WWOX: variants seen among roughly 807,000 people sequenced by gnomAD.
WWOX encodes the protein WW domain containing oxidoreductase, also known as WW domain-containing oxidoreductase.
In WWOX, 69 loss-of-function variants were observed where a neutral mutation model predicts 46.2. The ratio of observed to expected loss-of-function variants is 1.49; its 90% CI spans 1.23 to 1.82. WWOX has a LOEUF of 1.82. Ranked by LOEUF, WWOX falls within the 40% of genes most tolerant of loss-of-function variation. The probability of loss-of-function intolerance (pLI) is 0.00; values close to 1 mark genes in which losing one functional copy is unlikely to be tolerated. For missense variants in WWOX, 919 were observed against 542.6 expected (o/e 1.69, Z -6.89); for synonymous variants, 359 against 202.6 (o/e 1.77, Z -6.56).
chr16:78,869,353 A>G (rs891048538), intron 8 of WWOX, among the ~76,000 whole-genome samples: 7 of 152,182 alleles, frequency 4.6e-5, no homozygotes, highest in Admixed American at 2.0e-4. Context: ...TTTTCCAAGC[A>G]TCCAGACTGC....
At chr16:78,162,409 C>G (rs935472325) in intron 4 of WWOX, among the ~76,000 whole-genome samples, 1 of 152,006 alleles carries the variant, frequency 6.6e-6, no homozygotes, top group Non-Finnish European at 1.5e-5. Flanking sequence ...TATCTACACA[C>G]ACATACACAC....
intron 8 of WWOX, among the ~76,000 whole-genome samples, chr16:78,823,055 T>G (rs556096984): frequency 1.3e-5 from 2 of 152,374 alleles, no homozygotes; most frequent in Non-Finnish European, 2.9e-5. Flanking sequence ...GGCCTTTTAT[T>G]GCATGCTTTG....
At chr16:79,094,416 A>T (rs1269519122) in intron 8 of WWOX, among the ~76,000 whole-genome samples, 1 of 151,562 alleles carries the variant, frequency 6.6e-6, no homozygotes, top group Non-Finnish European at 1.5e-5. Flanking sequence ...TGTCCAGCTA[A>T]TTTTTTTGTA....
At chr16:78,982,685 G>A (rs1220182949) in intron 8 of WWOX, among the ~76,000 whole-genome samples, 1 of 152,158 alleles carries the variant, frequency 6.6e-6, no homozygotes, top group Non-Finnish European at 1.5e-5. Context: ...TTTAGACCGG[G>A]CTCCTCAAAC....
chr16:78,929,290 CTTTT>C (rs1396055034), intron 8 of WWOX, among the ~76,000 whole-genome samples: 41 of 151,234 alleles, frequency 2.7e-4, no homozygotes, highest in African/African-American at 9.2e-4. Flanking sequence ...TAGCAGTTCT[CTTTT>C]TTAAGAGCCT....
intron 8 of WWOX, among the ~76,000 whole-genome samples, chr16:79,145,584 T>C (rs1264338321): frequency 6.6e-6 from 1 of 152,180 alleles, no homozygotes; most frequent in Admixed American, 6.5e-5. Context: ...ATGATAGCTG[T>C]CAATTGTCAC....
chr16:78,285,104 T>C (rs1201443239), intron 5 of WWOX, among the ~76,000 whole-genome samples: 1 of 152,174 alleles, frequency 6.6e-6, no homozygotes, highest in Admixed American at 6.5e-5. Flanking sequence ...GCTTTGTTTA[T>C]AGACTGTCAG....
chr16:79,179,962 C>T (rs1013446857), intron 8 of WWOX, among the ~76,000 whole-genome samples: 1 of 152,146 alleles, frequency 6.6e-6, no homozygotes, highest in African/African-American at 2.4e-5. Flanking sequence ...ACATACAAGA[C>T]TTAAGTCCAT....
chr16:78,203,046 A>G (rs1221096156), intron 5 of WWOX, among the ~76,000 whole-genome samples: 1 of 152,186 alleles, frequency 6.6e-6, no homozygotes, highest in Non-Finnish European at 1.5e-5. Context: ...TTATAGTGGG[A>G]AAACAAAACA....
intron 5 of WWOX, among the ~76,000 whole-genome samples, chr16:78,272,956 C>G (rs562910906): frequency 6.6e-6 from 1 of 152,100 alleles, no homozygotes; most frequent in Non-Finnish European, 1.5e-5. Context: ...GTCTCATTTC[C>G]AAAATCTGGG....
chr16:79,209,146 G>T (rs745774673), intron 8 of WWOX, among the ~76,000 whole-genome samples: 2 of 152,144 alleles, frequency 1.3e-5, no homozygotes, highest in East Asian at 1.9e-4. Flanking sequence ...AAAAAGTTAG[G>T]CTTTTCAAAA....
intron 8 of WWOX, among the ~76,000 whole-genome samples, chr16:78,930,279 C>CCTTCCTTCCTT (rs1555570914): frequency 1.3e-4 from 14 of 107,282 alleles, no homozygotes; most frequent in Non-Finnish European, 1.8e-4. Context: ...TTCTCTCTTT[C>CCTTCCTTCCTT]TTTTTTTATT....
At chr16:79,096,841 A>G (rs2049084555) in intron 8 of WWOX, among the ~76,000 whole-genome samples, 1 of 152,150 alleles carries the variant, frequency 6.6e-6, no homozygotes, top group South Asian at 2.1e-4. Flanking sequence ...CAGAATAAGA[A>G]GAAGGAGCTT....
intron 8 of WWOX, among the ~76,000 whole-genome samples, chr16:78,900,563 G>A (rs2151241188): frequency 6.6e-6 from 1 of 152,174 alleles, no homozygotes. Flanking sequence ...GATATTTCGT[G>A]GCCTTCAGGT....
At chr16:78,559,868 A>G (rs559444832) in intron 8 of WWOX, among the ~76,000 whole-genome samples, 29 of 152,214 alleles carry the variant, frequency 1.9e-4, no homozygotes, top group Non-Finnish European at 2.9e-4. Context: ...TCCCCCCTCT[A>G]TCTCATACTT....
chr16:78,540,014 T>A (rs1597234803), intron 8 of WWOX, among the ~76,000 whole-genome samples: 1 of 127,486 alleles, frequency 7.8e-6, no homozygotes, highest in African/African-American at 2.8e-5. Flanking sequence ...TCTCTCTCTC[T>A]CTCTCTCACA....
At chr16:78,963,679 G>A (rs1439765080) in intron 8 of WWOX, among the ~76,000 whole-genome samples, 1 of 152,160 alleles carries the variant, frequency 6.6e-6, no homozygotes, top group Non-Finnish European at 1.5e-5. Flanking sequence ...ATTGAGTATG[G>A]ACTTTCTGCC....
At chr16:78,328,925 G>A (rs774553350) in intron 5 of WWOX, among the ~76,000 whole-genome samples, 1 of 151,596 alleles carries the variant, frequency 6.6e-6, no homozygotes, top group Admixed American at 6.6e-5. Context: ...GCAGTGGTGC[G>A]ATCTCAGCTC....
intron 5 of WWOX, among the ~76,000 whole-genome samples, chr16:78,237,879 A>G (rs966713185): frequency 1.3e-5 from 2 of 152,188 alleles, no homozygotes; most frequent in Non-Finnish European, 2.9e-5. Context: ...GTTGTTTACT[A>G]TTTAGCCCTT....
Sources: allele counts gnomAD v4.1 joint callset (sites outside exome capture counted in the v4.1 genomes callset), GRCh38; gene constraint gnomAD v4.1.1; transcripts MANE v1.5; gene names NCBI Gene and HGNC (gene_info 2026-07-23, HGNC 2026-07-21).